The following KPNA5 variants were observed in gnomAD, a reference collection of about 807,000 sequenced individuals.
KPNA5 encodes the protein importin subunit alpha-6.
A neutral mutation model predicts 71.3 loss-of-function variants in KPNA5; 46 were observed. The observed-to-expected ratio is 0.65, with a 90% CI of 0.51 to 0.83. The LOEUF (loss-of-function observed/expected upper bound fraction) is 0.83, where lower values mean the gene tolerates loss of function less well. Among genes scored for constraint, KPNA5 ranks in the 40% least tolerant of loss-of-function variants. KPNA5 has a pLI of 0.00. For missense variants in KPNA5, 547 were observed against 628.3 expected (o/e 0.87, Z 1.38); for synonymous variants, 207 against 201.4 (o/e 1.03, Z -0.24).
At position 116,734,717 on chromosome 6, in the gene KPNA5, A is replaced by G. The variant is rs966038440; in HGVS notation, c.*2394A>G. 2.9e-5 allele frequency: 4 copies of G among 135,738 alleles called. No homozygotes were observed. The highest frequency in any genetic ancestry group is 6.0e-5 in the African/African-American group (2 of 33,572). The allele number at this position is 135,738 out of a possible 1,614,324, so 8.4% of individuals were successfully genotyped here. A position where few individuals can be genotyped will look rare whatever the true frequency, so the allele number is the denominator to read the frequency against. The stretch of plus-strand genomic sequence containing the variant: ...TTCATCAGGCAGAGCCCTGACCAGG[A>G]AAAAAAAAAAAAAAGAAAGAAAGAA... On this transcript the variant is annotated 3_prime_UTR_variant, in exon 14 of 14. Coordinates refer to ENST00000368564, the MANE Select transcript of KPNA5 (RefSeq NM_001366306.2).
intron 1 of KPNA5, among the ~76,000 whole-genome samples, chr6:116,685,922 T>C (rs1315017536): frequency 6.6e-6 from 1 of 152,168 alleles, no homozygotes; most frequent in Non-Finnish European, 1.5e-5. Context: ...TTTCTTTTCC[T>C]TTTTGAGACA....
chr6:116,703,409 C>A (rs1778304503), intron 6 of KPNA5, among the ~76,000 whole-genome samples: 1 of 151,956 alleles, frequency 6.6e-6, no homozygotes, highest in Non-Finnish European at 1.5e-5. Flanking sequence ...ATTACAGGCG[C>A]CTGCCACCAC....
In KPNA5 at chr6:116,726,626, T is replaced by C. The variant is rs1372227371; in HGVS notation, c.1253+4T>C. ...GAGGTACTCCAGAGCAAATAAGGTA[T>C]GATATAAACTTCTTAATTGTTTTTT... On this transcript the variant is annotated splice_donor_region_variant and intron_variant, in intron 12 of 13. Transcript: ENST00000368564. 4 of 1,565,702 alleles carry C rather than the reference T, an allele frequency of 2.6e-6. No individual in the cohort carries two copies. Among genetic ancestry groups the C allele is most frequent in the Non-Finnish European group, 3.4e-6 (4 of 1,163,586 alleles).
intron 7 of KPNA5, among the ~76,000 whole-genome samples, chr6:116,713,636 T>C (rs904477344): frequency 6.6e-6 from 1 of 152,210 alleles, no homozygotes; most frequent in Non-Finnish European, 1.5e-5. Flanking sequence ...TTCTTTTTGC[T>C]CCTTTTCTTC....
intron 12 of KPNA5, among the ~76,000 whole-genome samples, chr6:116,727,888 G>A (rs1779343966): frequency 6.6e-6 from 1 of 152,072 alleles, no homozygotes; most frequent in African/African-American, 2.4e-5. Flanking sequence ...ATCCCTCCAT[G>A]AAACTAGACT....
chr6:116,715,787 G>T (rs1179139105), intron 7 of KPNA5, among the ~76,000 whole-genome samples: 1 of 151,836 alleles, frequency 6.6e-6, no homozygotes. Context: ...GTGGTGGCAG[G>T]CGCCTGTAAT....
chr6:116,731,052 CCA>C (rs1406733550), intron 13 of KPNA5, among the ~76,000 whole-genome samples: 1 of 151,786 alleles, frequency 6.6e-6, no homozygotes, highest in East Asian at 1.9e-4. Flanking sequence ...GTCATTGCCT[CCA>C]CAGAGATTTG....
At chr6:116,682,683 C>G (rs1190244953) in intron 1 of KPNA5, among the ~76,000 whole-genome samples, 1 of 152,052 alleles carries the variant, frequency 6.6e-6, no homozygotes, top group Non-Finnish European at 1.5e-5. Flanking sequence ...AGTTATTTGC[C>G]CAACTTAAAC....
chr6:116,711,569 A>G (rs1344532454), intron 7 of KPNA5, among the ~76,000 whole-genome samples: 1 of 121,750 alleles, frequency 8.2e-6, no homozygotes, highest in East Asian at 2.4e-4. Context: ...TGTGTGTTTT[A>G]ACTCACTAGT....
rs550127880 is a variant in KPNA5 at position 116,694,516 on chromosome 6, A to G, written c.340+2124A>G. Among the ~76,000 whole-genome samples the G allele has an allele frequency of 1.1e-3, 160 of 152,108 alleles. 3 individuals are homozygous for G. The highest frequency in any genetic ancestry group is 5.9e-5 in the Non-Finnish European group (4 of 68,000). On this transcript the variant is annotated intron_variant, in intron 4 of 13. Coordinates refer to ENST00000368564, the MANE Select transcript of KPNA5 (RefSeq NM_001366306.2). ...TTGAAGCAATTGTGAATGGGAGTTCACTCATGATTTGGCTCTCTGTTTGTC... is the reference window on the plus strand; with the variant it reads ...TTGAAGCAATTGTGAATGGGAGTTCGCTCATGATTTGGCTCTCTGTTTGTC...
intron 13 of KPNA5, 84 bp downstream of exon 13, chr6:116,729,825 T>G: frequency 1.1e-6 from 1 of 879,116 alleles, no homozygotes; most frequent in Non-Finnish European, 1.6e-6. Context: ...ACAATTTTTT[T>G]GTTGTAAAAG....
intron 6 of KPNA5, among the ~76,000 whole-genome samples, chr6:116,704,734 C>A (rs576647674): frequency 6.6e-6 from 1 of 152,122 alleles, no homozygotes; most frequent in East Asian, 1.9e-4. Context: ...GCCACCACAC[C>A]CAGCTAATTT....
At chr6:116,728,314 C>T (rs1328792845) in intron 12 of KPNA5, among the ~76,000 whole-genome samples, 1 of 151,854 alleles carries the variant, frequency 6.6e-6, no homozygotes, top group Non-Finnish European at 1.5e-5. Context: ...TATATTATTG[C>T]TTTAATTTAT....
At chr6:116,692,556 G>A (rs1777845439) in intron 4 of KPNA5, among the ~76,000 whole-genome samples, 164 bp downstream of exon 4, 1 of 151,788 alleles carries the variant, frequency 6.6e-6, no homozygotes, top group African/African-American at 2.4e-5. Flanking sequence ...TGAACATGAT[G>A]TTACCAAAGT....
chr6:116,708,192 A>G (rs1159477548), intron 7 of KPNA5, among the ~76,000 whole-genome samples: 1 of 152,188 alleles, frequency 6.6e-6, no homozygotes, highest in Admixed American at 6.5e-5. Flanking sequence ...GACTACTGTA[A>G]ATAGTGCTCC....
At chr6:116,729,447 A>G (rs1779404926) in intron 12 of KPNA5, 116 bp from the exon 13 acceptor site, 7 of 574,728 alleles carry the variant, frequency 1.2e-5, no homozygotes, top group Non-Finnish European at 1.9e-5. Context: ...ACTTTTTCTT[A>G]ATTGCTTATG....
At position 116,689,428 on chromosome 6, in the gene KPNA5, T is replaced by C. The variant is rs1379874768; in HGVS notation, c.113T>C (p.Leu38Pro). 5.7e-6 allele frequency: 9 copies of C among 1,589,094 alleles called. No individual in the cohort carries two copies. Among genetic ancestry groups the C allele is most frequent in the Non-Finnish European group, 6.0e-6 (7 of 1,171,894 alleles). ...CGAAGAGAAGAAGAAGGAATACAGC[T>C]TAGAAAACAAAAAAGAGAAGAACAG... ...RRRREEEGIQ[L>P]RKQKREEQLF... Residue 38 changes from leucine (L) to proline (P), a missense_variant, in exon 2 of 14, where the codon CTT becomes CCT. Leu to Pro is a moderately conservative substitution (Grantham distance 98, BLOSUM62 -3). Coordinates refer to ENST00000368564, the MANE Select transcript of KPNA5 (RefSeq NM_001366306.2).
At chr6:116,730,578 T>C (rs1779445928) in intron 13 of KPNA5, among the ~76,000 whole-genome samples, 1 of 152,178 alleles carries the variant, frequency 6.6e-6, no homozygotes, top group Non-Finnish European at 1.5e-5. Flanking sequence ...TTGCTGAGTC[T>C]TAGGGCACTG....
intron 1 of KPNA5, 59 bp downstream of exon 1, chr6:116,681,397 A>G (rs1270168585): frequency 9.3e-6 from 14 of 1,511,952 alleles, no homozygotes; most frequent in South Asian, 1.3e-5. Context: ...CCCTTTGGGA[A>G]CTACTAGTTC....
Sources: gnomAD v4.1 joint callset for allele counts (sites outside exome capture counted in the v4.1 genomes callset) on GRCh38, gnomAD v4.1.1 for gene constraint, MANE v1.5 for transcripts, NCBI Gene and HGNC (gene_info 2026-07-23, HGNC 2026-07-21) for gene names.